Variants in LMO4 observed in about 807,000 individuals in gnomAD.
LMO4 encodes LIM domain transcription factor LMO4.
LMO4 carries 3 observed loss-of-function variants against 18.5 expected under a neutral mutation model. The ratio of observed to expected loss-of-function variants is 0.16; its 90% CI spans 0.07 to 0.42. The LOEUF (loss-of-function observed/expected upper bound fraction) is 0.42, where lower values mean the gene tolerates loss of function less well. Among genes scored for constraint, LMO4 ranks in the 10% least tolerant of loss-of-function variants. The probability of loss-of-function intolerance (pLI) is 0.99; values close to 1 mark genes in which losing one functional copy is unlikely to be tolerated. For missense variants in LMO4, 121 were observed against 219.9 expected (o/e 0.55, Z 2.84); for synonymous variants, 100 against 88.1 (o/e 1.14, Z -0.76).
Position 87,345,567 on chromosome 1 carries a change from TAAAAG to T in LMO4, c.*776_*780del, listed in dbSNP as rs1489663814. ...ATGGTGTATTTAAATAATAAAAACTTAAAAGAAAAAATATTTAATGGTGTTTGGGT... is the reference window on the plus strand; with the variant it reads ...ATGGTGTATTTAAATAATAAAAACTTAAAAAATATTTAATGGTGTTTGGGT... On this transcript the variant is annotated 3_prime_UTR_variant, in exon 5 of 5. Coordinates refer to ENST00000370544, the MANE Select transcript of LMO4 (RefSeq NM_006769.4). The T allele has an allele frequency of 9.2e-5, 14 of 152,340 alleles. No homozygotes were observed. The highest frequency in any genetic ancestry group is 1.4e-4 in the African/African-American group (6 of 41,584). 9.4% of individuals were successfully genotyped at this position (152,340 alleles called of 1,614,324 possible).
At chr1:87,344,649 C>A in intron 4 of LMO4, 139 bp from the exon 5 acceptor site, 1 of 806,592 alleles carries the variant, frequency 1.2e-6, no homozygotes, top group Non-Finnish European at 2.1e-6. Flanking sequence ...GCATAGAAAG[C>A]CTCTATCAAG....
intron 2 of LMO4, among the ~76,000 whole-genome samples, chr1:87,333,442 A>C (rs1169756016): frequency 6.6e-6 from 1 of 152,182 alleles, no homozygotes; most frequent in East Asian, 1.9e-4. Context: ...AGTGTGGGTA[A>C]ATCAGTGGAT....
rs1199202608 is a variant in LMO4, at chr1:87,348,692, TACCTC to T, written c.*3898_*3902del. Reference sequence around the variant, plus strand: ...ATTTTTGGAAGGTGAACTTGCAACTTACCTCAAGTGAATACTGTTTTCAGTTGTGC... The same window carrying T: ...ATTTTTGGAAGGTGAACTTGCAACTTAAGTGAATACTGTTTTCAGTTGTGC... On this transcript the variant is annotated 3_prime_UTR_variant, in exon 5 of 5. Transcript: ENST00000370544. 3 of 506,352 alleles carry T rather than the reference TACCTC, an allele frequency of 5.9e-6. No individual in the cohort carries two copies. The Admixed American group carries it at 6.0e-5, about 10-fold the overall frequency. 31.4% of individuals were successfully genotyped at this position (506,352 alleles called of 1,614,324 possible). A position where few individuals can be genotyped will look rare whatever the true frequency, so the allele number is the denominator to read the frequency against.
rs954937057 is a variant in LMO4 at position 87,347,075 on chromosome 1, T to C, written c.*2279T>C. ...GGAGGGCTAAGGTCATTACGGACTTTAAATAAACTATTATATGGCTGGTTC... is the reference window on the plus strand; with the variant it reads ...GGAGGGCTAAGGTCATTACGGACTTCAAATAAACTATTATATGGCTGGTTC... On this transcript the variant is annotated 3_prime_UTR_variant, in exon 5 of 5. Coordinates refer to ENST00000370544, the MANE Select transcript of LMO4 (RefSeq NM_006769.4). The C allele has an allele frequency of 6.6e-5, 10 of 152,336 alleles. 1 individual carries two copies. In the East Asian group the frequency reaches 1.9e-3, roughly 29 times the overall value. The allele number at this position is 152,336 out of a possible 1,614,324, so 9.4% of individuals were successfully genotyped here. A position where few individuals can be genotyped will look rare whatever the true frequency, so the allele number is the denominator to read the frequency against.
At chr1:87,344,682 TA>T in intron 4 of LMO4, 105 bp from the exon 5 acceptor site, 1 of 1,125,966 alleles carries the variant, frequency 8.9e-7, no homozygotes, top group Non-Finnish European at 1.3e-6. Context: ...AGTAATCTAA[TA>T]AAAGAAGATT....
chr1:87,330,408 A>C (rs1392542177), intron 1 of LMO4, among the ~76,000 whole-genome samples: 1 of 152,228 alleles, frequency 6.6e-6, no homozygotes, highest in Non-Finnish European at 1.5e-5. Context: ...TAAATGCATC[A>C]GATAAATCAA....
intron 2 of LMO4, among the ~76,000 whole-genome samples, chr1:87,336,020 T>G (rs1650300910): frequency 8.7e-6 from 1 of 115,308 alleles, no homozygotes; most frequent in Non-Finnish European, 1.7e-5. Context: ...CAAGCGTAAT[T>G]TGGCTGATTT....
rs1184615162 is a variant in LMO4, at chr1:87,348,025, T to G, written c.*3229T>G. ...TTCTTTCTTTTGCCCTTATTAACAC[T>G]GATATTTGAAACAACTAATCATCTA... On this transcript the variant is annotated 3_prime_UTR_variant, in exon 5 of 5. Coordinates refer to ENST00000370544, the MANE Select transcript of LMO4 (RefSeq NM_006769.4). 5 of 152,246 alleles carry G rather than the reference T, an allele frequency of 3.3e-5. No homozygotes were observed. Among genetic ancestry groups the G allele is most frequent in the Non-Finnish European group, 1.5e-5 (1 of 68,048 alleles). The allele number at this position is 152,246 out of a possible 1,614,324, so 9.4% of individuals were successfully genotyped here.
At position 87,347,130 on chromosome 1, in the gene LMO4, GCTT is replaced by G; in HGVS notation, c.*2337_*2339del. The stretch of plus-strand genomic sequence containing the variant: ...AGCACTGCTGCGTATTTAATAATGA[GCTT>G]CTAAAAGCATTTCTTAAGTTGCAGA... On this transcript the variant is annotated 3_prime_UTR_variant, in exon 5 of 5. Coordinates refer to ENST00000370544, the MANE Select transcript of LMO4 (RefSeq NM_006769.4). The G allele has an allele frequency of 6.6e-6, 1 of 152,152 alleles. No homozygotes were observed. Among genetic ancestry groups the G allele is most frequent in the East Asian group, 1.9e-4 (1 of 5,198 alleles). The allele number at this position is 152,152 out of a possible 1,614,324, so 9.4% of individuals were successfully genotyped here. A position where few individuals can be genotyped will look rare whatever the true frequency, so the allele number is the denominator to read the frequency against.
chr1:87,339,945 C>T, intron 3 of LMO4, 102 bp from the exon 4 acceptor site: 4 of 1,301,514 alleles, frequency 3.1e-6, no homozygotes, highest in South Asian at 2.8e-5. Flanking sequence ...CTAAGTGTCT[C>T]TGTACTTGAC....
chr1:87,347,766 G>GT lies in LMO4; in HGVS notation c.*2976dup, dbSNP rs1297748821. On this transcript the variant is annotated 3_prime_UTR_variant, in exon 5 of 5. Transcript: ENST00000370544. ...AGATAGTCCTCTAAAAGGGTTTAATGTTTTTTACCTATCTAACTGTCTAAT... is the reference window on the plus strand; with the variant it reads ...AGATAGTCCTCTAAAAGGGTTTAATGTTTTTTTACCTATCTAACTGTCTAAT... 1 of 152,172 alleles carries GT rather than the reference G, an allele frequency of 6.6e-6. No homozygotes were observed. Among genetic ancestry groups the GT allele is most frequent in the African/African-American group, 2.4e-5 (1 of 41,444 alleles). The allele number at this position is 152,172 out of a possible 1,614,324, so 9.4% of individuals were successfully genotyped here. A position where few individuals can be genotyped will look rare whatever the true frequency, so the allele number is the denominator to read the frequency against.
intron 1 of LMO4, among the ~76,000 whole-genome samples, chr1:87,330,060 G>C (rs1367986894): frequency 4.9e-5 from 7 of 143,174 alleles, no homozygotes; most frequent in Non-Finnish European, 7.5e-5. Context: ...CCCGTCCTTA[G>C]TTATCAGGGG....
intron 1 of LMO4, among the ~76,000 whole-genome samples, chr1:87,330,059 A>T (rs1295443498): frequency 1.5e-5 from 2 of 130,330 alleles, no homozygotes; most frequent in Non-Finnish European, 3.2e-5. Context: ...GCCCGTCCTT[A>T]GTTATCAGGG....
chr1:87,340,222 T>C lies in LMO4; in HGVS notation c.489+20T>C. ...CAGAAGGTGAATACCCAGCAATTAC[T>C]AATAAGCTTTATTAGAGCAAGTTGG... On this transcript the variant is annotated intron_variant, in intron 4 of 4. Coordinates refer to ENST00000370544, the MANE Select transcript of LMO4 (RefSeq NM_006769.4). The C allele has an allele frequency of 1.2e-6, 2 of 1,612,558 alleles. No homozygotes were observed. Among genetic ancestry groups the C allele is most frequent in the Non-Finnish European group, 1.7e-6 (2 of 1,179,134 alleles).
intron 2 of LMO4, among the ~76,000 whole-genome samples, chr1:87,336,360 G>A (rs1276832939): frequency 6.6e-6 from 1 of 152,162 alleles, no homozygotes; most frequent in African/African-American, 2.4e-5. Flanking sequence ...CCCAAAAGCA[G>A]TTTAGAAAAC....
Position 87,348,316 on chromosome 1 carries a change from A to ACC in LMO4, c.*3523_*3524dup, listed in dbSNP as rs1184138264. 4.7e-6 allele frequency: 1 copy of ACC among 210,726 alleles called. No homozygotes were observed. The highest frequency in any genetic ancestry group is 2.3e-5 in the African/African-American group (1 of 43,962). 13.1% of individuals were successfully genotyped at this position (210,726 alleles called of 1,614,324 possible). On this transcript the variant is annotated 3_prime_UTR_variant, in exon 5 of 5. Coordinates refer to ENST00000370544, the MANE Select transcript of LMO4 (RefSeq NM_006769.4). ...TATCCTGGGTGCTGTCCCACCTATG[A>ACC]CCCCTTCAAGAGGCCATTGGAAAAA...
intron 2 of LMO4, among the ~76,000 whole-genome samples, chr1:87,337,290 C>T (rs1650343862): frequency 6.6e-6 from 1 of 152,160 alleles, no homozygotes; most frequent in Admixed American, 6.5e-5. Context: ...AAAATAAGAT[C>T]TATGAAAGGC....
intron 4 of LMO4, among the ~76,000 whole-genome samples, chr1:87,340,743 G>A (rs564756107): frequency 6.6e-4 from 100 of 152,160 alleles, no homozygotes; most frequent in Admixed American, 1.4e-3. Context: ...GTTCATTGGC[G>A]GTACCATAAC....
At chr1:87,341,885 A>G (rs573621563) in intron 4 of LMO4, among the ~76,000 whole-genome samples, 11 of 152,260 alleles carry the variant, frequency 7.2e-5, no homozygotes, top group Non-Finnish European at 1.6e-4. Flanking sequence ...ATTCTAATGA[A>G]GTGAATCTGC....
Sources: gnomAD v4.1 joint callset for allele counts (sites outside exome capture counted in the v4.1 genomes callset) on GRCh38, gnomAD v4.1.1 for gene constraint, MANE v1.5 for transcripts, NCBI Gene and HGNC (gene_info 2026-07-23, HGNC 2026-07-21) for gene names.